Variants in ZDHHC9 observed in about 807,000 individuals in gnomAD.
The protein encoded by ZDHHC9 is palmitoyltransferase ZDHHC9.
ZDHHC9 carries 3 observed loss-of-function variants against 26.6 expected under a neutral mutation model. That is an observed-to-expected ratio of 0.11 (90% CI 0.05 to 0.29). The LOEUF is 0.29. ZDHHC9 is among the 10% of genes least tolerant of loss of function. The probability of loss-of-function intolerance (pLI) is 1.00; values close to 1 mark genes in which losing one functional copy is unlikely to be tolerated. For synonymous variants in ZDHHC9, 111 were observed against 109.4 expected (o/e 1.01, Z -0.09); for missense variants, 146 against 296.4 (o/e 0.49, Z 3.73).
chrX:129,841,523 C>A (rs772649214), intron 3 of ZDHHC9, among the ~76,000 whole-genome samples: 14 of 112,143 alleles, frequency 1.2e-4, no homozygotes, highest in Non-Finnish European at 2.4e-4. Context: ...TTAAGACAAA[C>A]TTTCTTATTT....
At chrX:129,827,158 C>T (rs1481222552) in intron 4 of ZDHHC9, among the ~76,000 whole-genome samples, 1 of 107,270 alleles carries the variant, frequency 9.3e-6, no homozygotes, top group Non-Finnish European at 1.9e-5. Context: ...CACGCCACTG[C>T]ACTCCAGCGT....
intron 5 of ZDHHC9, among the ~76,000 whole-genome samples, chrX:129,816,740 C>T (rs1028649683): frequency 9.0e-6 from 1 of 111,075 alleles, no homozygotes; most frequent in African/African-American, 3.3e-5. Flanking sequence ...ATGAAAGAAC[C>T]TTCCCAGAAA....
chrX:129,826,645 C>T (rs1366202156), intron 4 of ZDHHC9, among the ~76,000 whole-genome samples: 2 of 111,204 alleles, frequency 1.8e-5, no homozygotes, highest in African/African-American at 3.3e-5. Context: ...GGAGAAAAAA[C>T]AGCACTCACA....
At position 129,843,763 on chromosome X, in the gene ZDHHC9, T is replaced by C. The variant is rs1928440843; in HGVS notation, c.-271A>G. 1 of 102,850 alleles carries C rather than the reference T, an allele frequency of 9.7e-6. No homozygotes were observed. Among genetic ancestry groups the C allele is most frequent in the African/African-American group, 3.6e-5 (1 of 27,707 alleles). 8.5% of individuals were successfully genotyped at this position (102,850 alleles called of 1,213,427 possible). A position where few individuals can be genotyped will look rare whatever the true frequency, so the allele number is the denominator to read the frequency against. On this transcript the variant is annotated 5_prime_UTR_variant, in exon 1 of 11. Transcript: ENST00000357166. ...AAACGGACCGTCCCAGGGAATCACGTCGGCAGCCAAAGGTGGCAGCGACTT... is the reference window on the plus strand; with the variant it reads ...AAACGGACCGTCCCAGGGAATCACGCCGGCAGCCAAAGGTGGCAGCGACTT...
chrX:129,811,462 G>A lies in ZDHHC9; in HGVS notation c.825C>T (p.Ser275=), dbSNP rs1296577214. The part of the protein sequence containing the change: ...TGKNRVQNPY[S]HGNIVKNCCE... The stretch of plus-strand genomic sequence containing the variant: ...AGCAGTTCTTCACAATATTGCCATG[G>A]CTGTAGGGATTCTGGACGCGATTCT... Residue 275 remains serine, a synonymous_variant, in exon 9 of 11, where the codon AGC becomes AGT. Coordinates refer to ENST00000357166, the MANE Select transcript of ZDHHC9 (RefSeq NM_016032.4). 2 of 1,208,722 alleles carry A rather than the reference G, an allele frequency of 1.7e-6. No homozygotes were observed. The highest frequency in any genetic ancestry group is 1.1e-6 in the Non-Finnish European group (1 of 894,691).
At chrX:129,843,197 G>A (rs973099119) in intron 2 of ZDHHC9, 62 bp downstream of exon 2, 2 of 112,918 alleles carry the variant, frequency 1.8e-5, no homozygotes, top group African/African-American at 6.5e-5. Context: ...GAAGGTAGAA[G>A]GTTCGGGGAA....
intron 5 of ZDHHC9, among the ~76,000 whole-genome samples, chrX:129,822,138 A>G (rs750512883): frequency 9.0e-6 from 1 of 111,239 alleles, no homozygotes; most frequent in Non-Finnish European, 1.9e-5. Context: ...ATTCTACCAT[A>G]AAGACACATG....
At chrX:129,842,195 A>G in intron 2 of ZDHHC9, 115 bp from the exon 3 acceptor site, 1 of 412,647 alleles carries the variant, frequency 2.4e-6, no homozygotes. Context: ...GGGACGGGGA[A>G]GTGGGAAAAG....
intron 6 of ZDHHC9, 75 bp downstream of exon 6, chrX:129,814,583 C>T: frequency 1.7e-6 from 2 of 1,190,800 alleles, no homozygotes; most frequent in South Asian, 1.8e-5. Context: ...GGAAACCCAA[C>T]AACCCTCTAA....
intron 3 of ZDHHC9, 74 bp from the exon 4 acceptor site, chrX:129,829,215 A>G (rs1254683881): frequency 5.5e-6 from 6 of 1,093,762 alleles, no homozygotes; most frequent in South Asian, 1.9e-5. Context: ...CAGTATGTCA[A>G]TCTGGCCCCC....
intron 10 of ZDHHC9, 118 bp downstream of exon 10, chrX:129,810,787 G>A: frequency 3.4e-6 from 2 of 589,930 alleles, no homozygotes; most frequent in South Asian, 2.4e-5. Flanking sequence ...ATCAGGGCAG[G>A]TGTAGAGGCA....
rs1323449617 is a variant in ZDHHC9 at position 129,814,815 on chromosome X, T to C, written c.488-20A>G. The C allele has an allele frequency of 1.7e-6, 2 of 1,209,169 alleles. No individual in the cohort carries two copies. The highest frequency in any genetic ancestry group is 2.2e-6 in the Non-Finnish European group (2 of 894,504). The stretch of plus-strand genomic sequence containing the variant: ...AGCGCTCTGTGGGAGAAAGAGAGAG[T>C]CCAAAGCCAAAAGCCTCCAGAACAA... On this transcript the variant is annotated intron_variant, in intron 5 of 10. Coordinates refer to ENST00000357166, the MANE Select transcript of ZDHHC9 (RefSeq NM_016032.4).
In ZDHHC9 at chrX:129,823,849, TA is replaced by T; in HGVS notation, c.329-13del. The T allele has an allele frequency of 2.5e-6, 3 of 1,204,864 alleles. No homozygotes were observed. Among genetic ancestry groups the T allele is most frequent in the Non-Finnish European group, 3.4e-6 (3 of 894,103 alleles). On this transcript the variant is annotated splice_polypyrimidine_tract_variant and intron_variant, in intron 4 of 10. Coordinates refer to ENST00000357166, the MANE Select transcript of ZDHHC9 (RefSeq NM_016032.4). ...ACCATTGGTAGCTTCTGTAAATCAA[TA>T]AAGACAGTTAATATCACAGCTAGCC... is the stretch of plus-strand genomic sequence containing the variant.
intron 3 of ZDHHC9, among the ~76,000 whole-genome samples, chrX:129,832,964 CAAA>C (rs11317653): frequency 2.9e-5 from 1 of 35,050 alleles, no homozygotes. Flanking sequence ...GACTCCACCT[CAAA>C]AAAAAAAAAA....
At position 129,806,355 on chromosome X, in the gene ZDHHC9, T is replaced by A. The variant is rs1157616158; in HGVS notation, c.*15A>T. ...CCCTAATTAAACACAAACAAAAGTC[T>A]CTTCCATAGATAGGCTACTTCTCAG... On this transcript the variant is annotated 3_prime_UTR_variant, in exon 11 of 11. Transcript: ENST00000357166. 1 of 1,189,692 alleles carries A rather than the reference T, an allele frequency of 8.4e-7. No individual in the cohort carries two copies. The highest frequency in any genetic ancestry group is 3.0e-5 in the East Asian group (1 of 33,772).
chrX:129,815,837 G>A (rs114115331), intron 5 of ZDHHC9, among the ~76,000 whole-genome samples: 6,849 of 111,692 alleles, frequency 0.061, 510 homozygotes, highest in African/African-American at 0.21. Context: ...CAAATACTTC[G>A]TCAAGAAAAT....
At chrX:129,833,210 G>A (rs776622493) in intron 3 of ZDHHC9, among the ~76,000 whole-genome samples, 4 of 111,428 alleles carry the variant, frequency 3.6e-5, no homozygotes, top group African/African-American at 1.3e-4. Flanking sequence ...GCCACCTGAA[G>A]AGACATCATC....
intron 2 of ZDHHC9, among the ~76,000 whole-genome samples, chrX:129,842,581 T>G (rs1451949517): frequency 8.9e-6 from 1 of 112,709 alleles, no homozygotes; most frequent in Non-Finnish European, 1.9e-5. Flanking sequence ...CCTCCCTCCC[T>G]TCCTCCACTT....
At chrX:129,830,678 A>G (rs774140777) in intron 3 of ZDHHC9, among the ~76,000 whole-genome samples, 1 of 111,960 alleles carries the variant, frequency 8.9e-6, no homozygotes, top group Non-Finnish European at 1.9e-5. Context: ...AGAGCAGAGA[A>G]AGTAAGCTAA....
Sources: gnomAD v4.1 joint callset for allele counts (sites outside exome capture counted in the v4.1 genomes callset) on GRCh38, gnomAD v4.1.1 for gene constraint, MANE v1.5 for transcripts, NCBI Gene and HGNC (gene_info 2026-07-23, HGNC 2026-07-21) for gene names.